SPIDR: variants seen among roughly 807,000 people sequenced by gnomAD.
SPIDR encodes the protein DNA repair-scaffolding protein.
A neutral mutation model predicts 104.6 loss-of-function variants in SPIDR; 93 were observed. That is an observed-to-expected ratio of 0.89 (90% CI 0.75 to 1.06). SPIDR has a LOEUF of 1.06. Among genes scored for constraint, SPIDR ranks in the 50% least tolerant of loss-of-function variants. SPIDR has a pLI of 0.00. For missense variants in SPIDR, 1,154 were observed against 1,111.2 expected (o/e 1.04, Z -0.55); for synonymous variants, 431 against 416.9 (o/e 1.03, Z -0.41).
At chr8:47,597,389 C>T (rs1009358501) in intron 9 of SPIDR, among the ~76,000 whole-genome samples, 2 of 152,122 alleles carry the variant, frequency 1.3e-5, no homozygotes, top group African/African-American at 2.4e-5. Context: ...ACAACAGGCC[C>T]CAGTGTGTGA....
chr8:47,386,896 G>GAA (rs1358027238), intron 5 of SPIDR, among the ~76,000 whole-genome samples: 2 of 75,012 alleles, frequency 2.7e-5, no homozygotes, highest in East Asian at 4.9e-4. Context: ...GAGAGAAAGA[G>GAA]AGAGAGAGAT....
At chr8:47,512,344 G>A (rs1009481688) in intron 8 of SPIDR, among the ~76,000 whole-genome samples, 4 of 152,184 alleles carry the variant, frequency 2.6e-5, no homozygotes, top group African/African-American at 9.7e-5. Flanking sequence ...TGCCTATGGT[G>A]ATTGGTCCAC....
chr8:47,640,365 T>A (rs933633744), intron 10 of SPIDR, among the ~76,000 whole-genome samples: 1 of 152,138 alleles, frequency 6.6e-6, no homozygotes, highest in Non-Finnish European at 1.5e-5. Flanking sequence ...GACTCCTTCG[T>A]ACCCACCAAA....
chr8:47,325,136 A>G (rs1375773155), intron 5 of SPIDR, among the ~76,000 whole-genome samples: 2 of 152,190 alleles, frequency 1.3e-5, no homozygotes, highest in Non-Finnish European at 2.9e-5. Context: ...AATTTAGCCT[A>G]TAATAGTGCT....
At chr8:47,338,531 A>G (rs2154273106) in intron 5 of SPIDR, among the ~76,000 whole-genome samples, 1 of 152,286 alleles carries the variant, frequency 6.6e-6, no homozygotes, top group South Asian at 2.1e-4. Context: ...GAGCAATACT[A>G]GTGTTGTTGC....
intron 8 of SPIDR, among the ~76,000 whole-genome samples, chr8:47,552,608 G>C (rs1353398014): frequency 1.3e-5 from 2 of 151,434 alleles, no homozygotes; most frequent in African/African-American, 4.9e-5. Flanking sequence ...TTTTCCATTT[G>C]CTTGGTAGAT....
At chr8:47,572,673 A>AAATTAAAATAAAT (rs780386853) in intron 8 of SPIDR, among the ~76,000 whole-genome samples, 1 of 145,808 alleles carries the variant, frequency 6.9e-6, no homozygotes, top group African/African-American at 2.5e-5. Context: ...AAATTAAATT[A>AAATTAAAATAAAT]AAATAAATAA....
At chr8:47,293,515 C>T (rs1289643562) in intron 4 of SPIDR, among the ~76,000 whole-genome samples, 5 of 152,242 alleles carry the variant, frequency 3.3e-5, no homozygotes, top group African/African-American at 7.2e-5. Context: ...GGCAAGATCT[C>T]GGCTCACTAC....
chr8:47,714,214 G>T (rs1213148848), intron 16 of SPIDR, among the ~76,000 whole-genome samples: 1 of 152,156 alleles, frequency 6.6e-6, no homozygotes, highest in Non-Finnish European at 1.5e-5. Flanking sequence ...GAGGGACTGG[G>T]TGGCAGAGGT....
chr8:47,587,094 A>G (rs2060330916), intron 8 of SPIDR, among the ~76,000 whole-genome samples: 1 of 151,956 alleles, frequency 6.6e-6, no homozygotes. Flanking sequence ...AACAGATCAA[A>G]TTTTTTATCT....
chr8:47,512,605 A>T (rs2082515720), intron 8 of SPIDR, among the ~76,000 whole-genome samples: 1 of 152,148 alleles, frequency 6.6e-6, no homozygotes, highest in Non-Finnish European at 1.5e-5. Context: ...GACAGCCCTG[A>T]CCACGGAGAG....
intron 19 of SPIDR, among the ~76,000 whole-genome samples, chr8:47,734,827 A>C (rs1554617920): frequency 6.6e-6 from 1 of 152,230 alleles, no homozygotes; most frequent in Non-Finnish European, 1.5e-5. Context: ...TCATTACAAA[A>C]ACACAGAGGA....
chr8:47,553,248 G>T (rs1450940268), intron 8 of SPIDR, among the ~76,000 whole-genome samples: 1 of 152,134 alleles, frequency 6.6e-6, no homozygotes, highest in Non-Finnish European at 1.5e-5. Context: ...TCTTGGGGTT[G>T]CTCTTCTCGA....
At chr8:47,683,954 G>T in intron 11 of SPIDR, among the ~76,000 whole-genome samples, 1 of 151,614 alleles carries the variant, frequency 6.6e-6, no homozygotes, top group South Asian at 2.1e-4. Flanking sequence ...ATGAAACCCC[G>T]TCTATACTAA....
intron 5 of SPIDR, among the ~76,000 whole-genome samples, chr8:47,323,050 G>A (rs1007366460): frequency 6.6e-6 from 1 of 151,416 alleles, no homozygotes; most frequent in African/African-American, 2.4e-5. Context: ...TAACTAACCT[G>A]CACATTGTGC....
intron 5 of SPIDR, among the ~76,000 whole-genome samples, chr8:47,324,623 G>A (rs1442566238): frequency 6.6e-6 from 1 of 152,162 alleles, no homozygotes; most frequent in Non-Finnish European, 1.5e-5. Flanking sequence ...TAGTATGGAT[G>A]CTTTGGTTAT....
intron 5 of SPIDR, among the ~76,000 whole-genome samples, chr8:47,334,328 T>A (rs1222833526): frequency 6.6e-6 from 1 of 152,228 alleles, no homozygotes; most frequent in African/African-American, 2.4e-5. Context: ...CTTTATGGAT[T>A]TTCTGCCTGC....
intron 1 of SPIDR, among the ~76,000 whole-genome samples, chr8:47,263,861 A>G (rs73582845): frequency 0.018 from 2,747 of 152,286 alleles, 84 homozygotes; most frequent in African/African-American, 0.064. Context: ...AACTCTTACT[A>G]TTCCATGTCT....
chr8:47,486,725 C>G (rs2077693490), intron 8 of SPIDR, among the ~76,000 whole-genome samples: 1 of 152,158 alleles, frequency 6.6e-6, no homozygotes, highest in Non-Finnish European at 1.5e-5. Context: ...AATTTTCAAC[C>G]CAGAATTTCA....
Sources: gnomAD v4.1 joint callset for allele counts (sites outside exome capture counted in the v4.1 genomes callset) on GRCh38, gnomAD v4.1.1 for gene constraint, MANE v1.5 for transcripts, NCBI Gene and HGNC (gene_info 2026-07-23, HGNC 2026-07-21) for gene names.